TXNL4A: variants seen among roughly 807,000 people sequenced by gnomAD.
The protein encoded by TXNL4A is thioredoxin-like protein 4A.
Under a neutral mutation model 14.6 loss-of-function variants are expected in TXNL4A, and 17 were observed. That is an observed-to-expected ratio of 1.16 (90% CI 0.80 to 1.74). The LOEUF (loss-of-function observed/expected upper bound fraction) is 1.74, where lower values mean the gene tolerates loss of function less well. Ranked by LOEUF, TXNL4A falls within the 40% of genes most tolerant of loss-of-function variation. The probability of loss-of-function intolerance (pLI) is 0.00; values close to 1 mark genes in which losing one functional copy is unlikely to be tolerated. For synonymous variants in TXNL4A, 83 were observed against 70.6 expected (o/e 1.18, Z -0.88); for missense variants, 74 against 195.2 (o/e 0.38, Z 3.70).
At chr18:80,019,943 G>A (rs1278780094) in intron 1 of TXNL4A, among the ~76,000 whole-genome samples, 2 of 152,238 alleles carry the variant, frequency 1.3e-5, no homozygotes, top group East Asian at 3.9e-4. Context: ...GGAACCCCAA[G>A]ATAGTGATAT....
At chr18:80,008,794 T>C (rs1051817116) in intron 1 of TXNL4A, among the ~76,000 whole-genome samples, 5 of 152,148 alleles carry the variant, frequency 3.3e-5, no homozygotes, top group African/African-American at 1.2e-4. Context: ...TTTCTTTCTT[T>C]TGAGATGGAG....
At chr18:79,998,069 G>A (rs967599965) in intron 1 of TXNL4A, among the ~76,000 whole-genome samples, 12 of 152,106 alleles carry the variant, frequency 7.9e-5, no homozygotes, top group African/African-American at 2.7e-4. Flanking sequence ...TGAGGCGGGT[G>A]GATCACGAGG....
At position 79,988,550 on chromosome 18, in the gene TXNL4A, C is replaced by T. The variant is rs1171920312; in HGVS notation, c.-158G>A. ...ACGCAAACTCCGCTGGGACTGCCAC[C>T]CGGCAGAACGTCTGGGCGCGCACGC... On this transcript the variant is annotated 5_prime_UTR_variant, in exon 1 of 3. Coordinates refer to ENST00000269601, the MANE Select transcript of TXNL4A (RefSeq NM_006701.5). 2.6e-6 allele frequency: 2 copies of T among 756,064 alleles called. No individual in the cohort carries two copies. The highest frequency in any genetic ancestry group is 4.5e-5 in the Admixed American group (1 of 22,290). The allele number at this position is 756,064 out of a possible 1,614,324, so 46.8% of individuals were successfully genotyped here.
In TXNL4A at chr18:79,976,692, T is replaced by C. The variant is rs191101384; in HGVS notation, c.257+906A>G. ...AAGAATACAAAACTAACGCATACCC[T>C]ATACAACCCACCTGACCTTCCTTAC... is the stretch of plus-strand genomic sequence containing the variant. On this transcript the variant is annotated intron_variant, in intron 2 of 2. Transcript: ENST00000269601. The C allele has an allele frequency of 2.3e-4, 102 of 443,208 alleles. 1 individual carries two copies. Among genetic ancestry groups the C allele is most frequent in the Non-Finnish European group, 2.2e-4 (48 of 222,990 alleles). 27.5% of individuals were successfully genotyped at this position (443,208 alleles called of 1,614,324 possible).
chr18:80,020,382 CT>C (rs1360935002), intron 1 of TXNL4A, among the ~76,000 whole-genome samples: 2 of 152,166 alleles, frequency 1.3e-5, no homozygotes, highest in African/African-American at 4.8e-5. Context: ...CACAGACTTC[CT>C]TTAGAGGATA....
chr18:80,002,396 A>C (rs1042768354), intron 1 of TXNL4A, among the ~76,000 whole-genome samples: 4 of 152,198 alleles, frequency 2.6e-5, no homozygotes, highest in African/African-American at 9.7e-5. Flanking sequence ...TAAGTATGGC[A>C]CAATCCACAG....
At chr18:80,033,429 C>A (rs1821273911) in intron 1 of TXNL4A, among the ~76,000 whole-genome samples, 1 of 152,214 alleles carries the variant, frequency 6.6e-6, no homozygotes, top group African/African-American at 2.4e-5. Context: ...CCCCGCTGGG[C>A]CACGCTGACT....
intron 1 of TXNL4A, chr18:79,977,941 TTATAGGAGTGAGCCA>T (rs1286847205): frequency 1.3e-4 from 67 of 507,972 alleles, no homozygotes; most frequent in Non-Finnish European, 2.3e-4. Flanking sequence ...AGTGCTGGGA[TTATAGGAGTGAGCCA>T]TCACTCCTGG....
chr18:79,974,309 AT>A (rs1448476556), intron 2 of TXNL4A, among the ~76,000 whole-genome samples: 2 of 152,268 alleles, frequency 1.3e-5, no homozygotes, highest in African/African-American at 4.8e-5. Context: ...CTTATGAGCA[AT>A]GACATAAATT....
At chr18:79,999,226 A>ACAT (rs1380084323) in intron 1 of TXNL4A, among the ~76,000 whole-genome samples, 1 of 152,156 alleles carries the variant, frequency 6.6e-6, no homozygotes, top group Non-Finnish European at 1.5e-5. Flanking sequence ...AAAATGTACA[A>ACAT]GTATCAGAGC....
chr18:79,995,467 T>A (rs1199086338), intron 1 of TXNL4A: 1 of 152,258 alleles, frequency 6.6e-6, no homozygotes, highest in Non-Finnish European at 1.5e-5. Flanking sequence ...TTTTAGATTA[T>A]TTCACACGTT....
At chr18:79,991,107 CAAAAAA>C (rs34442066), upstream of TXNL4A, among the ~76,000 whole-genome samples, 5 of 91,622 alleles carry the variant, frequency 5.5e-5, no homozygotes, top group Non-Finnish European at 1.1e-4. Flanking sequence ...GACTCCGTCT[CAAAAAA>C]AAAAAAAAAA....
chr18:80,023,896 A>G (rs1189617110), intron 1 of TXNL4A, among the ~76,000 whole-genome samples: 1 of 152,232 alleles, frequency 6.6e-6, no homozygotes, highest in Non-Finnish European at 1.5e-5. Context: ...TCTCTGAAGA[A>G]AAGCATAGGC....
At chr18:80,017,885 G>A (rs2051822727) in intron 1 of TXNL4A, among the ~76,000 whole-genome samples, 1 of 151,754 alleles carries the variant, frequency 6.6e-6, no homozygotes, top group Admixed American at 6.6e-5. Context: ...CATAAAATGA[G>A]TTAGGGAGGA....
intron 1 of TXNL4A, among the ~76,000 whole-genome samples, chr18:80,025,977 G>T (rs970346821): frequency 3.3e-5 from 5 of 152,194 alleles, no homozygotes; most frequent in South Asian, 2.1e-4. Context: ...CAGCAATGCT[G>T]CCAGAACCCA....
At chr18:79,998,119 C>T (rs1210196329) in intron 1 of TXNL4A, among the ~76,000 whole-genome samples, 2 of 151,930 alleles carry the variant, frequency 1.3e-5, no homozygotes, top group Admixed American at 6.6e-5. Flanking sequence ...CGGTGAAACC[C>T]CCTCTGTACT....
intron 2 of TXNL4A, among the ~76,000 whole-genome samples, chr18:79,976,534 C>T (rs1256824454): frequency 6.6e-6 from 1 of 152,206 alleles, no homozygotes; most frequent in Non-Finnish European, 1.5e-5. Flanking sequence ...GATAAGCACC[C>T]AGCCCATGGT....
chr18:79,996,708 C>G (rs1432965568), intron 1 of TXNL4A, among the ~76,000 whole-genome samples: 1 of 152,032 alleles, frequency 6.6e-6, no homozygotes, highest in Admixed American at 6.6e-5. Flanking sequence ...TTTGGGAGGC[C>G]GAGGCAGGTG....
rs910708529 is a variant in TXNL4A, at chr18:79,972,099, T to C, written c.*1586A>G. 1 of 152,252 alleles carries C rather than the reference T, an allele frequency of 6.6e-6. No homozygotes were observed. The highest frequency in any genetic ancestry group is 2.4e-5 in the African/African-American group (1 of 41,466). 9.4% of individuals were successfully genotyped at this position (152,252 alleles called of 1,614,324 possible). ...TAAAAAATGTGCTTCATTCTGTAAG[T>C]ACCCTCCCGTTTCCACAACAGCAAT... On this transcript the variant is annotated 3_prime_UTR_variant, in exon 3 of 3. Transcript: ENST00000269601.
Sources: allele counts gnomAD v4.1 joint callset (sites outside exome capture counted in the v4.1 genomes callset), GRCh38; gene constraint gnomAD v4.1.1; transcripts MANE v1.5; gene names NCBI Gene and HGNC (gene_info 2026-07-23, HGNC 2026-07-21).